The following MCMDC2 variants were observed in gnomAD, a reference collection of about 807,000 sequenced individuals.
The protein encoded by MCMDC2 is minichromosome maintenance domain containing 2, also known as minichromosome maintenance domain-containing protein 2.
MCMDC2 carries 54 observed loss-of-function variants against 75.8 expected under a neutral mutation model. That is an observed-to-expected ratio of 0.71 (90% CI 0.57 to 0.89). The LOEUF is 0.89. MCMDC2 is among the 40% of genes least tolerant of loss of function. The pLI, the probability that MCMDC2 is intolerant of heterozygous loss-of-function variation, is 0.00. For synonymous variants in MCMDC2, 249 were observed against 274.6 expected, an observed-to-expected ratio of 0.91 and a Z score of 0.92; for missense variants, 656 against 780.4, an observed-to-expected ratio of 0.84 and a Z score of 1.90.
intron 10 of MCMDC2, among the ~76,000 whole-genome samples, chr8:66,893,767 A>G (rs746952893): frequency 6.6e-6 from 1 of 152,096 alleles, no homozygotes; most frequent in Non-Finnish European, 1.5e-5. Flanking sequence ...ATTTTTGACT[A>G]CAGCACCAAA....
chr8:66,915,773 C>T (rs1303288882), intron 14 of MCMDC2, among the ~76,000 whole-genome samples: 1 of 152,012 alleles, frequency 6.6e-6, no homozygotes, highest in Admixed American at 6.6e-5. Flanking sequence ...TAGATGGAGA[C>T]TAGTGGGAAC....
chr8:66,874,073 A>C lies in MCMDC2; in HGVS notation c.-68A>C, dbSNP rs1461055885. The C allele has an allele frequency of 4.9e-6, 5 of 1,014,552 alleles. No individual in the cohort carries two copies. Among genetic ancestry groups the C allele is most frequent in the Non-Finnish European group, 5.7e-6 (4 of 700,820 alleles). 62.8% of individuals were successfully genotyped at this position (1,014,552 alleles called of 1,614,324 possible). On this transcript the variant is annotated 5_prime_UTR_variant, in exon 2 of 15. Coordinates refer to ENST00000422365, the MANE Select transcript of MCMDC2 (RefSeq NM_173518.5). Reference sequence around the variant, plus strand: ...TCTAGGTTTTCACATCCTTTCTATGAGTTTCGCCATCTATAGCTTTTATCA... The same window carrying C: ...TCTAGGTTTTCACATCCTTTCTATGCGTTTCGCCATCTATAGCTTTTATCA...
At chr8:66,876,513 G>A (rs1811289740) in intron 4 of MCMDC2, among the ~76,000 whole-genome samples, 1 of 151,830 alleles carries the variant, frequency 6.6e-6, no homozygotes, top group South Asian at 2.1e-4. Context: ...GTCACTGGGG[G>A]TCCCTTCAAG....
intron 12 of MCMDC2, among the ~76,000 whole-genome samples, chr8:66,897,968 G>A (rs1382927199): frequency 6.6e-6 from 1 of 152,060 alleles, no homozygotes; most frequent in Admixed American, 6.6e-5. Flanking sequence ...TATCTTCCTT[G>A]TGAGCATACT....
At chr8:66,872,393 T>A (rs2130783280) in intron 1 of MCMDC2, among the ~76,000 whole-genome samples, 1 of 152,316 alleles carries the variant, frequency 6.6e-6, no homozygotes, top group South Asian at 2.1e-4. Context: ...CCATCTTCAA[T>A]GAAAATGTCT....
intron 13 of MCMDC2, among the ~76,000 whole-genome samples, chr8:66,902,712 ATATATAT>A (rs1173139763): frequency 1.6e-3 from 110 of 67,748 alleles, no homozygotes; most frequent in Middle Eastern, 8.9e-3. Context: ...AAAAAAAAAA[ATATATAT>A]ATATATATAT....
chr8:66,874,682 G>A, intron 4 of MCMDC2, 96 bp downstream of exon 4: 1 of 1,091,806 alleles, frequency 9.2e-7, no homozygotes. Context: ...TATTTAAAAG[G>A]ATACTACTTT....
chr8:66,883,885 C>G lies in MCMDC2; in HGVS notation c.964C>G (p.Leu322Val), dbSNP rs17332410. The G allele has an allele frequency of 0.065, 105,098 of 1,613,828 alleles. 4,014 individuals are homozygous for G. Among genetic ancestry groups the G allele is most frequent in the Non-Finnish European group, 0.076 (89,239 of 1,179,828 alleles). ...QITPPGTYNL[L>V]KLCLLMSLVQ... Reference sequence around the variant, plus strand: ...TACCCCTCCTGGGACTTACAATTTGCTCAAGCTCTGTTTGTTGATGAGTCT... The same window carrying G: ...TACCCCTCCTGGGACTTACAATTTGGTCAAGCTCTGTTTGTTGATGAGTCT... The change falls in exon 9 of 15, where the codon CTC becomes GTC. Residue 322 changes from leucine to valine, a missense_variant. Physicochemically the swap from Leu to Val is conservative, Grantham distance 32. Transcript: ENST00000422365.
At chr8:66,892,843 C>T (rs1432801728) in intron 10 of MCMDC2, among the ~76,000 whole-genome samples, 3 of 152,146 alleles carry the variant, frequency 2.0e-5, no homozygotes, top group African/African-American at 4.8e-5. Flanking sequence ...TCTCATTTAG[C>T]CTGTTGATAT....
intron 4 of MCMDC2, among the ~76,000 whole-genome samples, chr8:66,875,526 G>A (rs921988033): frequency 1.3e-5 from 2 of 152,060 alleles, no homozygotes; most frequent in African/African-American, 4.8e-5. Flanking sequence ...TGATCCACCC[G>A]CCTCGGCCTC....
At position 66,886,567 on chromosome 8, in the gene MCMDC2, AT is replaced by A. The variant is rs553576137; in HGVS notation, c.1073+2576del. On this transcript the variant is annotated intron_variant, in intron 9 of 14. Coordinates refer to ENST00000422365, the MANE Select transcript of MCMDC2 (RefSeq NM_173518.5). ...GCAGGCAGATCACCTGAGGTCAGGAATTTGAGACCAACCTAGCCAATGTGGG... is the reference window on the plus strand; with the variant it reads ...GCAGGCAGATCACCTGAGGTCAGGAATTGAGACCAACCTAGCCAATGTGGG... 4.4e-3 allele frequency among the ~76,000 whole-genome samples: 674 copies of A among 152,124 alleles called. 9 individuals are homozygous for A. The highest frequency in any genetic ancestry group is 0.015 in the African/African-American group (639 of 41,546).
At chr8:66,901,563 G>T (rs1238475073) in intron 13 of MCMDC2, 20 of 1,232,442 alleles carry the variant, frequency 1.6e-5, no homozygotes, top group Non-Finnish European at 1.8e-5. Flanking sequence ...TTACTAAACT[G>T]ATTTTTATTG....
intron 14 of MCMDC2, among the ~76,000 whole-genome samples, chr8:66,910,979 G>A (rs1006302345): frequency 1.3e-5 from 2 of 152,188 alleles, no homozygotes; most frequent in African/African-American, 4.8e-5. Flanking sequence ...AGGCTCATAG[G>A]TGAAAAGGAC....
chr8:66,906,004 CAA>C (rs1216287591), intron 14 of MCMDC2, among the ~76,000 whole-genome samples: 22 of 71,296 alleles, frequency 3.1e-4, no homozygotes, highest in Admixed American at 4.9e-4. Flanking sequence ...GACTCCATCT[CAA>C]AAAAAAAAAA....
intron 10 of MCMDC2, among the ~76,000 whole-genome samples, chr8:66,894,135 G>C (rs1317332539): frequency 1.3e-5 from 2 of 152,096 alleles, no homozygotes; most frequent in African/African-American, 4.8e-5. Flanking sequence ...TTCTCTGATT[G>C]TTGCTGGACT....
At chr8:66,882,304 G>T (rs966079458) in intron 8 of MCMDC2, among the ~76,000 whole-genome samples, 1 of 152,162 alleles carries the variant, frequency 6.6e-6, no homozygotes, top group East Asian at 1.9e-4. Flanking sequence ...CCGAGCTTTC[G>T]CAGATTATCA....
At chr8:66,914,580 G>C (rs995145825) in intron 14 of MCMDC2, among the ~76,000 whole-genome samples, 5 of 152,196 alleles carry the variant, frequency 3.3e-5, no homozygotes, top group Non-Finnish European at 7.3e-5. Flanking sequence ...AGAGAGGAAA[G>C]TAAGACCAGA....
Position 66,887,857 on chromosome 8 carries a change from T to C in MCMDC2, c.1074-3008T>C, listed in dbSNP as rs144301140. ...TTTTGATACCATTGTTCAAATTCAATTGAACTAGGCAGAATCAGGGTATAA... is the reference window on the plus strand; with the variant it reads ...TTTTGATACCATTGTTCAAATTCAACTGAACTAGGCAGAATCAGGGTATAA... On this transcript the variant is annotated intron_variant, in intron 9 of 14. Transcript: ENST00000422365. 5.7e-3 allele frequency among the ~76,000 whole-genome samples: 873 copies of C among 152,286 alleles called. 5 individuals are homozygous for C. Among genetic ancestry groups the C allele is most frequent in the Non-Finnish European group, 8.0e-3 (544 of 68,030 alleles).
At chr8:66,874,294 A>G (rs1471136495) in intron 2 of MCMDC2, 32 bp from the exon 3 acceptor site, 2 of 1,608,050 alleles carry the variant, frequency 1.2e-6, no homozygotes, top group Admixed American at 1.7e-5. Context: ...ACACATAGCT[A>G]TCCTGACTTT....
Sources: allele counts gnomAD v4.1 joint callset (sites outside exome capture counted in the v4.1 genomes callset), GRCh38; gene constraint gnomAD v4.1.1; transcripts MANE v1.5; gene names NCBI Gene and HGNC (gene_info 2026-07-23, HGNC 2026-07-21).